The following UBE2O variants were observed in gnomAD, a reference collection of about 807,000 sequenced individuals.
UBE2O encodes the protein (E3-independent) E2 ubiquitin-conjugating enzyme.
A neutral mutation model predicts 125.8 loss-of-function variants in UBE2O; 15 were observed. That is an observed-to-expected ratio of 0.12 (90% confidence interval 0.08 to 0.18). The LOEUF (loss-of-function observed/expected upper bound fraction) is 0.18. UBE2O is among the 10% of genes least tolerant of loss of function. UBE2O has a pLI of 1.00. For missense variants in UBE2O, 1,280 were observed against 1,723.6 expected, an observed-to-expected ratio of 0.74 and a Z score of 4.56; for synonymous variants, 708 against 703.2, an observed-to-expected ratio of 1.01 and a Z score of -0.11.
At chr17:76,393,026 A>G (rs533677066) in intron 15 of UBE2O, among the ~76,000 whole-genome samples, 175 of 152,068 alleles carry the variant, frequency 1.2e-3, no homozygotes, top group Non-Finnish European at 2.0e-3. Context: ...TGGGAGGCCA[A>G]GGTGGGAGGA....
chr17:76,392,990 G>T (rs746931536), intron 15 of UBE2O, among the ~76,000 whole-genome samples: 59 of 152,024 alleles, frequency 3.9e-4, no homozygotes, highest in Middle Eastern at 3.4e-3. Context: ...AGACGTGATG[G>T]CTCACACCTG....
In UBE2O at chr17:76,391,522, G is replaced by A. The variant is rs771684298; in HGVS notation, c.3300C>T (p.Tyr1100=). The A allele has an allele frequency of 6.1e-5, 99 of 1,613,980 alleles. 2 individuals carry two copies. The South Asian group carries it at 1.1e-3, about 17-fold the overall frequency. Residue 1100 remains tyrosine (Y), a synonymous_variant, in exon 18 of 18, where the codon TAC becomes TAT. Coordinates refer to ENST00000319380, the MANE Select transcript of UBE2O (RefSeq NM_022066.4). The surrounding 1 kb of genome is among the most constrained non-coding windows in gnomAD (Gnocchi z 8.4). The part of the protein sequence containing the change: ...LQEGYENSRC[Y]NEMALIRVVQ... ...CCACGCGGATCAGCGCCATCTCATT[G>A]TAACAGCGACTGTTTTCATAGCCTT...
chr17:76,434,294 G>A (rs746251977), intron 1 of UBE2O, among the ~76,000 whole-genome samples: 9 of 152,084 alleles, frequency 5.9e-5, no homozygotes, highest in East Asian at 1.9e-4. Context: ...ATAAGCACAC[G>A]GTGGCTGAAA....
At chr17:76,436,383 C>T (rs2072998725) in intron 1 of UBE2O, among the ~76,000 whole-genome samples, 1 of 152,034 alleles carries the variant, frequency 6.6e-6, no homozygotes, top group African/African-American at 2.4e-5. Context: ...TATGTCCTTG[C>T]ACTTTTGTAT....
At position 76,398,415 on chromosome 17, in the gene UBE2O, G is replaced by C. The variant is rs1395656363; in HGVS notation, c.1897-32C>G. 11 of 1,614,036 alleles carry C rather than the reference G, an allele frequency of 6.8e-6. No homozygotes were observed. Among genetic ancestry groups the C allele is most frequent in the Non-Finnish European group, 9.3e-6 (11 of 1,180,018 alleles). On this transcript the variant is annotated intron_variant, in intron 11 of 17. Coordinates refer to ENST00000319380, the MANE Select transcript of UBE2O (RefSeq NM_022066.4). The surrounding 1 kb of genome is among the most constrained non-coding windows in gnomAD (Gnocchi z 5.4). ...CACAGGACAGGTTGTCATGAGCTAG[G>C]GGTCCTACACCCAACCCCAGAGCCC...
rs1018581966 is a variant in UBE2O at position 76,412,108 on chromosome 17, C to T, written c.418-6536G>A. Among the ~76,000 whole-genome samples, 2 of 152,158 alleles carry T rather than the reference C, an allele frequency of 1.3e-5. 1 individual carries two copies. Among genetic ancestry groups the T allele is most frequent in the Admixed American group, 1.3e-4 (2 of 15,270 alleles). ...CTCAAGGACAAGCGGACGACCAGCC[C>T]CACACTAGGTCCCTGGTGAGTGTGT... On this transcript the variant is annotated intron_variant, in intron 1 of 17. Transcript: ENST00000319380.
chr17:76,399,855 G>A lies in UBE2O; in HGVS notation c.1222C>T (p.Arg408Trp), dbSNP rs142461783. The A allele has an allele frequency of 2.0e-3, 3,245 of 1,613,914 alleles. 5 individuals are homozygous for A. The highest frequency in any genetic ancestry group is 2.6e-3 in the Non-Finnish European group (3,030 of 1,179,902). Residue 408 changes from arginine (R) to tryptophan (W), a missense_variant, in exon 9 of 18, where the codon CGG becomes TGG. Around this residue, in one of 10 missense-constraint regions of UBE2O, gnomAD observed 141 missense variants for 141.3 expected, o/e 1.00. Transcript: ENST00000319380. The surrounding 1 kb of genome is among the most constrained non-coding windows in gnomAD (Gnocchi z 6.9). The stretch of plus-strand genomic sequence containing the variant: ...TCTGGGTCTTCCATGGAATGGTCCC[G>A]GGAACACTGGGTGTCTGGGGAGCAT... ...MSCSPDTQCS[R>W]DHSMEDPDKK...
intron 1 of UBE2O, among the ~76,000 whole-genome samples, chr17:76,428,421 G>C (rs553287301): frequency 6.6e-6 from 1 of 152,132 alleles, no homozygotes; most frequent in African/African-American, 2.4e-5. Flanking sequence ...GGGAGCCTTC[G>C]TCAACTTCAA....
At chr17:76,416,259 T>C (rs533157288) in intron 1 of UBE2O, among the ~76,000 whole-genome samples, 166 of 152,150 alleles carry the variant, frequency 1.1e-3, no homozygotes, top group Non-Finnish European at 2.1e-3. Flanking sequence ...TGTATGTATA[T>C]GTATATATAT....
At position 76,395,540 on chromosome 17, in the gene UBE2O, T is replaced by G; in HGVS notation, c.2946+185A>C. 1 of 646,942 alleles carries G rather than the reference T, an allele frequency of 1.5e-6. No individual in the cohort carries two copies. The highest frequency in any genetic ancestry group is 2.1e-5 in the South Asian group (1 of 47,624). The allele number at this position is 646,942 out of a possible 1,614,324, so 40.1% of individuals were successfully genotyped here. A position where few individuals can be genotyped will look rare whatever the true frequency, so the allele number is the denominator to read the frequency against. ...GGAGGAAAGAAAGAACCATCTGGCC[T>G]GGACACACGGCTGAGTCAGCCCTCA... On this transcript the variant is annotated intron_variant, in intron 15 of 17. Coordinates refer to ENST00000319380, the MANE Select transcript of UBE2O (RefSeq NM_022066.4). This position sits in a 1 kb window ranked among gnomAD's most constrained non-coding sequence, Gnocchi z 5.0.
Position 76,401,169 on chromosome 17 carries a change from GC to G in UBE2O, c.751-16del, listed in dbSNP as rs755800685. The G allele has an allele frequency of 6.2e-7, 1 of 1,612,124 alleles. No individual in the cohort carries two copies. Among genetic ancestry groups the G allele is most frequent in the East Asian group, 2.2e-5 (1 of 44,846 alleles). ...AAGAAGAGACCCTGCGGGATGTGGG[GC>G]CAAAGGAAAGTCCCCGTGAGCGGTG... On this transcript the variant is annotated splice_polypyrimidine_tract_variant and intron_variant, in intron 5 of 17. Transcript: ENST00000319380.
At chr17:76,433,537 T>C (rs2072936286) in intron 1 of UBE2O, among the ~76,000 whole-genome samples, 3 of 151,542 alleles carry the variant, frequency 2.0e-5, no homozygotes, top group Admixed American at 2.0e-4. Context: ...CGTTTGAGTA[T>C]ACTAAAAACC....
At chr17:76,406,509 G>C (rs951719690) in intron 1 of UBE2O, among the ~76,000 whole-genome samples, 1 of 151,712 alleles carries the variant, frequency 6.6e-6, no homozygotes, top group Non-Finnish European at 1.5e-5. Flanking sequence ...CAAGAAAGGA[G>C]AACTGAGTCG....
intron 1 of UBE2O, among the ~76,000 whole-genome samples, chr17:76,415,795 CTG>C (rs34127040): frequency 0.035 from 4,969 of 142,836 alleles, 126 homozygotes; most frequent in African/African-American, 0.084. Flanking sequence ...CAGAGCAAGA[CTG>C]TGTGTGTGTG....
intron 15 of UBE2O, among the ~76,000 whole-genome samples, chr17:76,393,883 C>T (rs1181937109): frequency 6.6e-6 from 1 of 152,252 alleles, no homozygotes; most frequent in African/African-American, 2.4e-5. Context: ...GCGAGGGAAC[C>T]TCTGCACATG....
intron 1 of UBE2O, among the ~76,000 whole-genome samples, chr17:76,449,988 G>A (rs527257739): frequency 1.3e-5 from 2 of 152,102 alleles, no homozygotes; most frequent in Admixed American, 1.3e-4. Flanking sequence ...CTACCTGGGA[G>A]GCTGAGGCAG....
chr17:76,423,693 A>AAAATAAATAAATAAATAAAT (rs74941845), intron 1 of UBE2O, among the ~76,000 whole-genome samples: 1,795 of 135,890 alleles, frequency 0.013, 32 homozygotes, highest in African/African-American at 0.037. Context: ...ACTCCATCTC[A>AAAATAAATAAATAAATAAAT]AAATAAATAA....
At chr17:76,440,289 G>A (rs1374258842) in intron 1 of UBE2O, among the ~76,000 whole-genome samples, 1 of 152,162 alleles carries the variant, frequency 6.6e-6, no homozygotes, top group East Asian at 1.9e-4. Context: ...TGAATACATT[G>A]GGTTAAGTAA....
At chr17:76,421,531 A>G (rs1454754223) in intron 1 of UBE2O, among the ~76,000 whole-genome samples, 4 of 151,624 alleles carry the variant, frequency 2.6e-5, no homozygotes, top group Non-Finnish European at 4.4e-5. Context: ...ACGCCCAACT[A>G]ATTTTGTATT....
Sources: gnomAD v4.1 joint callset for allele counts (sites outside exome capture counted in the v4.1 genomes callset) on GRCh38, gnomAD v4.1.1 for gene constraint, gnomAD v4.1.1 regional missense constraint, Gnocchi (gnomAD v3.1) non-coding constraint, MANE v1.5 for transcripts, NCBI Gene and HGNC (gene_info 2026-07-23, HGNC 2026-07-21) for gene names.